ST3GAL4: variants seen among roughly 807,000 people sequenced by gnomAD.
ST3GAL4 encodes the protein CMP-N-acetylneuraminate-beta-galactosamide-alpha-2,3-sialyltransferase 4.
Under a neutral mutation model 42.6 loss-of-function variants are expected in ST3GAL4, and 24 were observed. That is an observed-to-expected ratio of 0.56 (90% CI 0.41 to 0.79). The LOEUF is 0.79. Among genes scored for constraint, ST3GAL4 ranks in the 30% least tolerant of loss-of-function variants. The pLI, the probability that ST3GAL4 is intolerant of heterozygous loss-of-function variation, is 0.00. For synonymous variants in ST3GAL4, 135 were observed against 163.2 expected (o/e 0.83, Z 1.32); for missense variants, 311 against 430.8 (o/e 0.72, Z 2.46).
intron 1 of ST3GAL4, chr11:126,358,406 C>T (rs1303745134): frequency 9.4e-6 from 4 of 426,496 alleles, no homozygotes; most frequent in Admixed American, 7.9e-5. Flanking sequence ...TTTGTTGCCC[C>T]CTTCCCAGAG....
rs1953499728 is a variant in ST3GAL4 at position 126,391,196 on chromosome 11, G to A, written c.-60-14900G>A. 6.6e-6 allele frequency among the ~76,000 whole-genome samples: 1 copy of A among 151,450 alleles called. No individual in the cohort carries two copies. The highest frequency in any genetic ancestry group is 2.4e-5 in the African/African-American group (1 of 41,228). On this transcript the variant is annotated intron_variant, in intron 1 of 10. Coordinates refer to ENST00000444328, the MANE Select transcript of ST3GAL4 (RefSeq NM_001254757.2). This position sits in a 1 kb window ranked among gnomAD's most constrained non-coding sequence, Gnocchi z 5.5. Reference sequence around the variant, plus strand: ...GACATCCTGGTCTCAAATATTTTGGGGATATACCCAGAAGTGCAGTTGCTT... The same window carrying A: ...GACATCCTGGTCTCAAATATTTTGGAGATATACCCAGAAGTGCAGTTGCTT...
At position 126,373,918 on chromosome 11, in the gene ST3GAL4, C is replaced by T. The variant is rs1952742901; in HGVS notation, c.-61+18076C>T. 6.6e-6 allele frequency among the ~76,000 whole-genome samples: 1 copy of T among 152,118 alleles called. No homozygotes were observed. The highest frequency in any genetic ancestry group is 1.5e-5 in the Non-Finnish European group (1 of 68,038). ...CCGCAGGGGCCAGAAGATATCTGACCTACTGTCACTGCCTCTTCCACTCTG... is the reference window on the plus strand; with the variant it reads ...CCGCAGGGGCCAGAAGATATCTGACTTACTGTCACTGCCTCTTCCACTCTG... On this transcript the variant is annotated intron_variant, in intron 1 of 10. Coordinates refer to ENST00000444328, the MANE Select transcript of ST3GAL4 (RefSeq NM_001254757.2). The surrounding 1 kb of genome is among the most constrained non-coding windows in gnomAD (Gnocchi z 5.5).
intron 1 of ST3GAL4, among the ~76,000 whole-genome samples, chr11:126,368,971 C>G (rs1952533742): frequency 6.6e-6 from 1 of 152,116 alleles, no homozygotes; most frequent in Non-Finnish European, 1.5e-5. Context: ...TACAGTTTGG[C>G]AAGTAGGGGG....
rs925331259 is a variant in ST3GAL4 at position 126,401,975 on chromosome 11, A to G, written c.-60-4121A>G. 2.6e-5 allele frequency among the ~76,000 whole-genome samples: 4 copies of G among 151,902 alleles called. No homozygotes were observed. The South Asian group carries it at 8.3e-4, about 32-fold the overall frequency. ...GAAGAGGAGACTTGAGCATGTTTAT[A>G]AGTCAGAGAATAGAGAAGGAGAGGT... On this transcript the variant is annotated intron_variant, in intron 1 of 10. Coordinates refer to ENST00000444328, the MANE Select transcript of ST3GAL4 (RefSeq NM_001254757.2).
chr11:126,401,704 C>T (rs1954002841), intron 1 of ST3GAL4, among the ~76,000 whole-genome samples: 1 of 152,146 alleles, frequency 6.6e-6, no homozygotes, highest in East Asian at 1.9e-4. Context: ...TCAAAGGCCT[C>T]TGAGCAGCGC....
Position 126,407,979 on chromosome 11 carries a change from A to T in ST3GAL4, c.342-120A>T. On this transcript the variant is annotated intron_variant, in intron 6 of 10. Transcript: ENST00000444328. ...AGGACCACGGGGTGATGCCTGCTTC[A>T]TGGGGACCAGGGGCTGAGGGGGCCT... 3 of 1,146,976 alleles carry T rather than the reference A, an allele frequency of 2.6e-6. No homozygotes were observed. The East Asian group carries it at 7.7e-5, about 29-fold the overall frequency. The allele number at this position is 1,146,976 out of a possible 1,614,324, so 71.0% of individuals were successfully genotyped here.
rs375232073 is a variant in ST3GAL4, at chr11:126,383,021, A to G, written c.-60-23075A>G. Among the ~76,000 whole-genome samples, 316 of 152,298 alleles carry G rather than the reference A, an allele frequency of 2.1e-3. 2 individuals are homozygous for G. Among genetic ancestry groups the G allele is most frequent in the East Asian group, 5.2e-3 (27 of 5,168 alleles). On this transcript the variant is annotated intron_variant, in intron 1 of 10. Transcript: ENST00000444328. This position sits in a 1 kb window ranked among gnomAD's most constrained non-coding sequence, Gnocchi z 4.5. ...GGCACAGGTGCAGAGAGGCTGAGAC[A>G]GGCCCAGAGGACAGTGAGTGTGTGT... is the stretch of plus-strand genomic sequence containing the variant.
At chr11:126,358,266 C>G (rs555673363) in intron 1 of ST3GAL4, 1 of 264,060 alleles carries the variant, frequency 3.8e-6, no homozygotes, top group Non-Finnish European at 7.8e-6. Flanking sequence ...GCTCCCGCTC[C>G]GTGTTTCCCT....
intron 4 of ST3GAL4, 110 bp downstream of exon 4, chr11:126,407,133 G>A: frequency 6.8e-7 from 1 of 1,464,502 alleles, no homozygotes; most frequent in Non-Finnish European, 9.6e-7. Context: ...GTGGACATGG[G>A]TTAGGTGAAG....
At chr11:126,405,970 T>G in intron 1 of ST3GAL4, 126 bp from the exon 2 acceptor site, 1 of 1,142,804 alleles carries the variant, frequency 8.8e-7, no homozygotes, top group Non-Finnish European at 1.3e-6. Flanking sequence ...TCAGGATGAT[T>G]GCCCCAGGGA....
intron 1 of ST3GAL4, among the ~76,000 whole-genome samples, chr11:126,365,837 G>C (rs1315434938): frequency 2.6e-5 from 4 of 152,302 alleles, no homozygotes; most frequent in African/African-American, 9.6e-5. Context: ...CCAGAGGACA[G>C]TGAGTGTGTG....
At position 126,400,247 on chromosome 11, in the gene ST3GAL4, C is replaced by G. The variant is rs888479285; in HGVS notation, c.-60-5849C>G. On this transcript the variant is annotated intron_variant, in intron 1 of 10. Transcript: ENST00000444328. The surrounding 1 kb of genome is among the most constrained non-coding windows in gnomAD (Gnocchi z 4.6). Reference sequence around the variant, plus strand: ...GCAAGGGCCTTCTTGCTGCATCATCCCATGGTGGAGAGTGGAATGGCAAGA... The same window carrying G: ...GCAAGGGCCTTCTTGCTGCATCATCGCATGGTGGAGAGTGGAATGGCAAGA... 1.3e-5 allele frequency among the ~76,000 whole-genome samples: 2 copies of G among 152,196 alleles called. No homozygotes were observed. Among genetic ancestry groups the G allele is most frequent in the Non-Finnish European group, 2.9e-5 (2 of 68,040 alleles).
At position 126,384,258 on chromosome 11, in the gene ST3GAL4, G is replaced by A. The variant is rs73632780; in HGVS notation, c.-60-21838G>A. The stretch of plus-strand genomic sequence containing the variant: ...GGGAGGTGGGAGTACAAGGTCTGCC[G>A]AGTGAGGCAGAGGAAAGGGGTTTCT... On this transcript the variant is annotated intron_variant, in intron 1 of 10. Transcript: ENST00000444328. The surrounding 1 kb of genome is among the most constrained non-coding windows in gnomAD (Gnocchi z 5.5). Among the ~76,000 whole-genome samples, 6,340 of 152,224 alleles carry A rather than the reference G, an allele frequency of 0.042. 441 individuals carry two copies. Among genetic ancestry groups the A allele is most frequent in the African/African-American group, 0.14 (5,922 of 41,494 alleles).
Position 126,393,003 on chromosome 11 carries a change from C to T in ST3GAL4, c.-60-13093C>T, listed in dbSNP as rs1162166249. Reference sequence around the variant, plus strand: ...TGAGACAGGCTAGAGTGCAGGGGGACGATCATAGCTTACTGCAGCCTCGAT... The same window carrying T: ...TGAGACAGGCTAGAGTGCAGGGGGATGATCATAGCTTACTGCAGCCTCGAT... On this transcript the variant is annotated intron_variant, in intron 1 of 10. Transcript: ENST00000444328. This position sits in a 1 kb window ranked among gnomAD's most constrained non-coding sequence, Gnocchi z 5.9. Among the ~76,000 whole-genome samples the T allele has an allele frequency of 2.7e-5, 4 of 146,394 alleles. No individual in the cohort carries two copies. The highest frequency in any genetic ancestry group is 4.5e-5 in the Non-Finnish European group (3 of 67,332).
rs916472727 is a variant in ST3GAL4, at chr11:126,392,448, C to T, written c.-60-13648C>T. On this transcript the variant is annotated intron_variant, in intron 1 of 10. Coordinates refer to ENST00000444328, the MANE Select transcript of ST3GAL4 (RefSeq NM_001254757.2). This position sits in a 1 kb window ranked among gnomAD's most constrained non-coding sequence, Gnocchi z 5.8. ...ATAAAGCAGGTCCTTGTGAGCTCAT[C>T]GACATGCATTTGGCAGAAAGTGCGC... 3 of 882,912 alleles carry T rather than the reference C, an allele frequency of 3.4e-6. No individual in the cohort carries two copies. Among genetic ancestry groups the T allele is most frequent in the Non-Finnish European group, 4.1e-6 (3 of 735,968 alleles). 54.7% of individuals were successfully genotyped at this position (882,912 alleles called of 1,614,324 possible).
At position 126,409,172 on chromosome 11, in the gene ST3GAL4, C is replaced by CT; in HGVS notation, c.628-94dup. 1 of 1,518,474 alleles carries CT rather than the reference C, an allele frequency of 6.6e-7. No individual in the cohort carries two copies. Among genetic ancestry groups the CT allele is most frequent in the African/African-American group, 1.4e-5 (1 of 72,966 alleles). The allele number at this position is 1,518,474 out of a possible 1,614,324, so 94.1% of individuals were successfully genotyped here. On this transcript the variant is annotated intron_variant, in intron 8 of 10. Coordinates refer to ENST00000444328, the MANE Select transcript of ST3GAL4 (RefSeq NM_001254757.2). The surrounding 1 kb of genome is among the most constrained non-coding windows in gnomAD (Gnocchi z 4.9). ...GTGCTCCTGAAGGCCTCTGCCATCG[C>CT]TTGGACCCCCTCGCCTCGCTGAGGA...
At chr11:126,387,806 G>GTAAACC (rs1177278981) in intron 1 of ST3GAL4, among the ~76,000 whole-genome samples, 1 of 152,170 alleles carries the variant, frequency 6.6e-6, no homozygotes, top group Non-Finnish European at 1.5e-5. Context: ...ATCCTTCTGA[G>GTAAACC]TAAACCTATT....
rs1265388807 is a variant in ST3GAL4, at chr11:126,406,698, G to A, written c.101+141G>A. The A allele has an allele frequency of 4.0e-6, 5 of 1,236,170 alleles. No individual in the cohort carries two copies. In the South Asian group the frequency reaches 4.3e-5, roughly 11 times the overall value. 76.6% of individuals were successfully genotyped at this position (1,236,170 alleles called of 1,614,324 possible). A position where few individuals can be genotyped will look rare whatever the true frequency, so the allele number is the denominator to read the frequency against. ...ACCTCATCCCTTCAGCTGCTGGTAC[G>A]GAGTGTTTCCATGAGGGTGGGTGGG... On this transcript the variant is annotated intron_variant, in intron 3 of 10. Coordinates refer to ENST00000444328, the MANE Select transcript of ST3GAL4 (RefSeq NM_001254757.2). The surrounding 1 kb of genome is among the most constrained non-coding windows in gnomAD (Gnocchi z 5.4).
intron 1 of ST3GAL4, among the ~76,000 whole-genome samples, chr11:126,375,312 G>C (rs1952795154): frequency 6.6e-6 from 1 of 152,234 alleles, no homozygotes; most frequent in Non-Finnish European, 1.5e-5. Context: ...AAGCGTGGCT[G>C]AGGAGGGGCT....
Sources: allele counts gnomAD v4.1 joint callset (sites outside exome capture counted in the v4.1 genomes callset), GRCh38; gene constraint gnomAD v4.1.1; non-coding constraint Gnocchi (gnomAD v3.1); transcripts MANE v1.5; gene names NCBI Gene and HGNC (gene_info 2026-07-23, HGNC 2026-07-21).